C4orf36: variants seen among roughly 807,000 people sequenced by gnomAD.
C4orf36 encodes uncharacterized protein C4orf36.
Under a neutral mutation model 12.2 loss-of-function variants are expected in C4orf36, and 11 were observed. The ratio of observed to expected loss-of-function variants is 0.90; its 90% CI spans 0.57 to 1.49. The LOEUF (loss-of-function observed/expected upper bound fraction) is 1.49, where lower values mean the gene tolerates loss of function less well. Among genes scored for constraint, C4orf36 ranks in the 40% most tolerant of loss-of-function variants. The probability of loss-of-function intolerance (pLI) is 0.00; values close to 1 mark genes in which losing one functional copy is unlikely to be tolerated. For missense variants in C4orf36, 137 were observed against 133.9 expected (o/e 1.02, Z -0.11); for synonymous variants, 54 against 51.3 (o/e 1.05, Z -0.22).
At chr4:86,929,711 G>T in the C4orf36 span, among the ~76,000 whole-genome samples, 1 of 152,108 alleles carries the variant, frequency 6.6e-6, no homozygotes, top group Admixed American at 6.5e-5. Context: ...TATATCCCCA[G>T]AACTGAGCAG....
In C4orf36 at chr4:86,892,265, G is replaced by C. The variant is rs1747451042; in HGVS notation, c.-156C>G. On this transcript the variant is annotated 5_prime_UTR_variant, in exon 1 of 5. Coordinates refer to ENST00000295898, the MANE Select transcript of C4orf36 (RefSeq NM_144645.4). ...GGGTGGCGGGTCCCCGCGAGCCGGC[G>C]CCGGCGGCCTGGTTACCCGGGCTCC... 6.1e-6 allele frequency: 6 copies of C among 985,768 alleles called. No homozygotes were observed. The highest frequency in any genetic ancestry group is 7.2e-6 in the Non-Finnish European group (6 of 830,316). The allele number at this position is 985,768 out of a possible 1,614,324, so 61.1% of individuals were successfully genotyped here.
chr4:86,884,411 C>G (rs1338416646), intron 4 of C4orf36, among the ~76,000 whole-genome samples: 1 of 150,710 alleles, frequency 6.6e-6, no homozygotes, highest in Non-Finnish European at 1.5e-5. Context: ...CTCAAGGGAT[C>G]CTCCCATCTC....
upstream of C4orf36, among the ~76,000 whole-genome samples, chr4:86,896,273 T>C (rs562693849): frequency 2.0e-4 from 31 of 152,236 alleles, no homozygotes; most frequent in Non-Finnish European, 4.1e-4. Flanking sequence ...AGGTTTTAGA[T>C]TACACATTTG....
chr4:86,887,690 G>C (rs1747229148), intron 4 of C4orf36, 68 bp downstream of exon 4: 12 of 1,576,220 alleles, frequency 7.6e-6, no homozygotes, highest in Non-Finnish European at 1.0e-5. Flanking sequence ...TATACATAGT[G>C]AAAGGTCCAG....
intron 4 of C4orf36, among the ~76,000 whole-genome samples, chr4:86,878,549 A>G (rs1746976670): frequency 6.6e-6 from 1 of 152,220 alleles, no homozygotes; most frequent in Non-Finnish European, 1.5e-5. Context: ...CAGCAAGTGC[A>G]TTGAAATGGG....
the C4orf36 span, among the ~76,000 whole-genome samples, chr4:86,898,842 A>G: frequency 2.2e-4 from 34 of 152,258 alleles, no homozygotes; most frequent in African/African-American, 6.0e-4. Context: ...TAAAAATTTA[A>G]AATCCCATTC....
At chr4:86,902,291 G>A in the C4orf36 span, among the ~76,000 whole-genome samples, 1 of 151,814 alleles carries the variant, frequency 6.6e-6, no homozygotes, top group Non-Finnish European at 1.5e-5. Context: ...GGGCATGGTG[G>A]TATGCACCTG....
At chr4:86,922,949 C>T in the C4orf36 span, among the ~76,000 whole-genome samples, 1 of 139,586 alleles carries the variant, frequency 7.2e-6, no homozygotes, top group Non-Finnish European at 1.6e-5. Context: ...CTTCTTCTTC[C>T]TTTTTTTTTT....
At chr4:86,931,594 T>A in the C4orf36 span, among the ~76,000 whole-genome samples, 9 of 152,144 alleles carry the variant, frequency 5.9e-5, no homozygotes, top group Non-Finnish European at 1.2e-4. Context: ...ATACAGGAAC[T>A]CACTACGTTG....
At chr4:86,902,439 A>AAAAAAAAAAAAG in the C4orf36 span, among the ~76,000 whole-genome samples, 4 of 140,966 alleles carry the variant, frequency 2.8e-5, no homozygotes, top group African/African-American at 8.0e-5. Flanking sequence ...AAAAAAAAAA[A>AAAAAAAAAAAAG]AAAGAAAGAA....
intron 4 of C4orf36, chr4:86,887,169 G>A (rs1464026499): frequency 6.6e-6 from 1 of 152,074 alleles, no homozygotes; most frequent in Non-Finnish European, 1.5e-5. Flanking sequence ...TGTAAATGAT[G>A]AGTTACTGGA....
chr4:86,909,835 C>T, the C4orf36 span, among the ~76,000 whole-genome samples: 1 of 133,624 alleles, frequency 7.5e-6, no homozygotes, highest in Non-Finnish European at 1.5e-5. Flanking sequence ...AAAGATTGAG[C>T]GTAATTCCTT....
intron 2 of C4orf36, among the ~76,000 whole-genome samples, chr4:86,889,592 T>G (rs974981088): frequency 2.6e-5 from 4 of 152,108 alleles, no homozygotes; most frequent in Non-Finnish European, 5.9e-5. Context: ...ACTACTATCC[T>G]CAGTTTACAG....
intron 2 of C4orf36, among the ~76,000 whole-genome samples, chr4:86,890,788 C>T (rs1179670216): frequency 2.0e-5 from 3 of 152,212 alleles, no homozygotes; most frequent in Admixed American, 1.3e-4. Flanking sequence ...GCTCACTATG[C>T]GTTCACTGGA....
the C4orf36 span, among the ~76,000 whole-genome samples, chr4:86,924,040 CCTCT>C: frequency 2.0e-5 from 3 of 151,400 alleles, no homozygotes; most frequent in Admixed American, 6.6e-5. Flanking sequence ...GATATTGCTC[CCTCT>C]CTCTTTTTTC....
intron 4 of C4orf36, among the ~76,000 whole-genome samples, chr4:86,879,278 G>C (rs1369936819): frequency 4.6e-5 from 7 of 152,088 alleles, no homozygotes. Context: ...TGCTAAGTGA[G>C]CTAACAGAGA....
At chr4:86,883,835 C>T (rs1467034205) in intron 4 of C4orf36, among the ~76,000 whole-genome samples, 1 of 152,116 alleles carries the variant, frequency 6.6e-6, no homozygotes, top group Non-Finnish European at 1.5e-5. Context: ...CGAGACCACC[C>T]TGGCCAACAT....
chr4:86,922,445 C>T, the C4orf36 span, among the ~76,000 whole-genome samples: 1 of 152,312 alleles, frequency 6.6e-6, no homozygotes, highest in East Asian at 1.9e-4. Flanking sequence ...ATTTATTGCT[C>T]CTTAGTCCAA....
chr4:86,917,674 G>C, the C4orf36 span, among the ~76,000 whole-genome samples: 1 of 152,232 alleles, frequency 6.6e-6, no homozygotes, highest in South Asian at 2.1e-4. Context: ...ATTTAGTCAT[G>C]TATCACATAA....
Sources: allele counts gnomAD v4.1 joint callset (sites outside exome capture counted in the v4.1 genomes callset), GRCh38; gene constraint gnomAD v4.1.1; transcripts MANE v1.5; gene names NCBI Gene and HGNC (gene_info 2026-07-23, HGNC 2026-07-21).